Variants in KDM2B observed in about 807,000 individuals in gnomAD.
KDM2B encodes the protein lysine demethylase 2B, also known as lysine-specific demethylase 2B.
A neutral mutation model predicts 150.0 loss-of-function variants in KDM2B; 26 were observed. The observed-to-expected ratio is 0.17, with a 90% CI of 0.13 to 0.24. The LOEUF is 0.24. Ranked by LOEUF, KDM2B falls within the 10% of genes least tolerant of loss-of-function variation. The pLI is 1.00. For synonymous variants in KDM2B, 734 were observed against 729.5 expected (o/e 1.01, Z -0.10); for missense variants, 1,265 against 1,816.9 (o/e 0.70, Z 5.52).
At chr12:121,534,632 T>G in intron 6 of KDM2B, 42 bp from the exon 7 acceptor site, 1 of 1,470,670 alleles carries the variant, frequency 6.8e-7, no homozygotes, top group Non-Finnish European at 9.5e-7. Context: ...AGTCAAGATC[T>G]AAATCACAAG....
intron 12 of KDM2B, among the ~76,000 whole-genome samples, chr12:121,454,283 A>G (rs1231429038): frequency 6.6e-6 from 1 of 152,184 alleles, no homozygotes; most frequent in Non-Finnish European, 1.5e-5. Flanking sequence ...TCAACAAACC[A>G]GAGCCACCCC....
At position 121,520,920 on chromosome 12, in the gene KDM2B, A is replaced by T; in HGVS notation, c.1047+65T>A. 2 of 1,239,586 alleles carry T rather than the reference A, an allele frequency of 1.6e-6. No homozygotes were observed. The highest frequency in any genetic ancestry group is 2.4e-6 in the Non-Finnish European group (2 of 848,926). The allele number at this position is 1,239,586 out of a possible 1,614,324, so 76.8% of individuals were successfully genotyped here. A position where few individuals can be genotyped will look rare whatever the true frequency, so the allele number is the denominator to read the frequency against. ...AGGACTTCAGTATGACCTGTCCCAC[A>T]CACCGAGCACCGGCAGAGCTCAGGG... On this transcript the variant is annotated intron_variant, in intron 9 of 22. Coordinates refer to ENST00000377071, the MANE Select transcript of KDM2B (RefSeq NM_032590.5). This position sits in a 1 kb window ranked among gnomAD's most constrained non-coding sequence, Gnocchi z 4.5.
At chr12:121,492,486 T>G (rs1465425563) in intron 12 of KDM2B, among the ~76,000 whole-genome samples, 2 of 151,846 alleles carry the variant, frequency 1.3e-5, no homozygotes, top group African/African-American at 2.4e-5. Flanking sequence ...TTTTGTATTT[T>G]TAGTAGAGAC....
At position 121,468,478 on chromosome 12, in the gene KDM2B, CTAAA is replaced by C. The variant is rs1250077615; in HGVS notation, c.1735-15138_1735-15135del. The C allele has an allele frequency of 6.6e-6, 1 of 152,244 alleles. No individual in the cohort carries two copies. The highest frequency in any genetic ancestry group is 1.5e-5 in the Non-Finnish European group (1 of 68,046). 9.4% of individuals were successfully genotyped at this position (152,244 alleles called of 1,614,324 possible). Reference sequence around the variant, plus strand: ...TATCATCCACCTGTCCAAGGTAACACTAAATATGCACACCTGTACCTGTTCAGTT... The same window carrying C: ...TATCATCCACCTGTCCAAGGTAACACTATGCACACCTGTACCTGTTCAGTT... On this transcript the variant is annotated intron_variant, in intron 12 of 22. Transcript: ENST00000377071. The surrounding 1 kb of genome is among the most constrained non-coding windows in gnomAD (Gnocchi z 4.0).
In KDM2B at chr12:121,467,357, G is replaced by GCGCGCCT. The variant is rs1427942928; in HGVS notation, c.1735-14020_1735-14014dup. ...GCTGCCGCGAGGAGGGAGCCGCGCC[G>GCGCGCCT]CGCGCCTCGCACGCCCGCGCTGGAG... On this transcript the variant is annotated intron_variant, in intron 12 of 22. Coordinates refer to ENST00000377071, the MANE Select transcript of KDM2B (RefSeq NM_032590.5). The surrounding 1 kb of genome is among the most constrained non-coding windows in gnomAD (Gnocchi z 5.1). 10 of 981,250 alleles carry GCGCGCCT rather than the reference G, an allele frequency of 1.0e-5. No individual in the cohort carries two copies. Among genetic ancestry groups the GCGCGCCT allele is most frequent in the African/African-American group, 5.3e-5 (3 of 56,658 alleles). 60.8% of individuals were successfully genotyped at this position (981,250 alleles called of 1,614,324 possible).
At chr12:121,526,012 C>T (rs977413580) in intron 8 of KDM2B, among the ~76,000 whole-genome samples, 1 of 152,178 alleles carries the variant, frequency 6.6e-6, no homozygotes, top group Non-Finnish European at 1.5e-5. Context: ...TATGTCCCCT[C>T]CAAGGCCCCC....
intron 12 of KDM2B, among the ~76,000 whole-genome samples, chr12:121,493,213 GT>G (rs1566334472): frequency 6.6e-6 from 1 of 150,974 alleles, no homozygotes; most frequent in Non-Finnish European, 1.5e-5. Flanking sequence ...TGGCTTCAGT[GT>G]TTTTTACAAT....
At chr12:121,522,757 A>C (rs531689549) in intron 8 of KDM2B, among the ~76,000 whole-genome samples, 55 of 149,018 alleles carry the variant, frequency 3.7e-4, no homozygotes, top group African/African-American at 1.3e-3. Flanking sequence ...CGGAGGCATG[A>C]GAATTGCTTG....
At chr12:121,417,898 G>A in the KDM2B span, 1 of 1,613,848 alleles carries the variant, frequency 6.2e-7, no homozygotes, top group South Asian at 1.1e-5. This position sits in a 1 kb window ranked among gnomAD's most constrained non-coding sequence, Gnocchi z 5.0. Flanking sequence ...TCCAGATCTG[G>A]AGTGCCGGCA....
the KDM2B span, among the ~76,000 whole-genome samples, chr12:121,412,891 A>AT: frequency 6.8e-6 from 1 of 147,908 alleles, no homozygotes; most frequent in African/African-American, 2.5e-5. Context: ...CTATTTTTGT[A>AT]TTTTTAGTAG....
At chr12:121,528,537 G>C (rs1887351184) in intron 8 of KDM2B, among the ~76,000 whole-genome samples, 1 of 151,790 alleles carries the variant, frequency 6.6e-6, no homozygotes, top group Admixed American at 6.6e-5. Context: ...TCCAGCCTAG[G>C]CAACAGGGTG....
intron 12 of KDM2B, chr12:121,494,121 A>G (rs4980987): frequency 0.97 from 154,406 of 159,232 alleles, 74,916 homozygotes; most frequent in East Asian, 1. Flanking sequence ...ACTTCCCAAA[A>G]TGCTGAGATT....
At position 121,548,974 on chromosome 12, in the gene KDM2B, C is replaced by A; in HGVS notation, c.586G>T (p.Val196Leu). ...LVKRPTVVDL[V>L]DWVDNMWPQH... ...GGCCACATGTTGTCCACCCAGTCCA[C>A]CAGGTCTACCTGAAAGCCAGACCAG... The change falls in exon 6 of 23, where the codon GTG becomes TTG. Residue 196 changes from valine to leucine, a missense_variant. Around this residue, in one of 11 missense-constraint regions of KDM2B, gnomAD observed 214 missense variants for 447.4 expected, o/e 0.48. Coordinates refer to ENST00000377071, the MANE Select transcript of KDM2B (RefSeq NM_032590.5). 6.2e-7 allele frequency: 1 copy of A among 1,613,900 alleles called. No homozygotes were observed. Among genetic ancestry groups the A allele is most frequent in the South Asian group, 1.1e-5 (1 of 91,074 alleles).
chr12:121,568,152 G>A (rs1232409446), intron 4 of KDM2B, among the ~76,000 whole-genome samples: 1 of 152,132 alleles, frequency 6.6e-6, no homozygotes, highest in African/African-American at 2.4e-5. Flanking sequence ...AAGACCTGAT[G>A]AGACATTTCA....
the KDM2B span, chr12:121,423,834 G>C: frequency 4.9e-6 from 2 of 409,798 alleles, no homozygotes; most frequent in African/African-American, 4.1e-5. This position sits in a 1 kb window ranked among gnomAD's most constrained non-coding sequence, Gnocchi z 4.3. Flanking sequence ...ATTGAAGTCA[G>C]CCTGTTTGCG....
chr12:121,423,309 T>C, the KDM2B span: 1 of 1,221,268 alleles, frequency 8.2e-7, no homozygotes, highest in Non-Finnish European at 1.1e-6. The surrounding 1 kb of genome is among the most constrained non-coding windows in gnomAD (Gnocchi z 4.3). Context: ...AGGTGGCTGC[T>C]CAGCTTCGGA....
At chr12:121,558,036 A>G (rs1470790731) in intron 4 of KDM2B, among the ~76,000 whole-genome samples, 1 of 152,168 alleles carries the variant, frequency 6.6e-6, no homozygotes, top group African/African-American at 2.4e-5. Context: ...TGATGACCTC[A>G]TACCACTTCA....
chr12:121,470,695 G>A (rs1048677972), intron 12 of KDM2B: 4 of 150,036 alleles, frequency 2.7e-5, no homozygotes, highest in African/African-American at 9.7e-5. Context: ...GCTCTCAACT[G>A]CACCGCTCCA....
intron 10 of KDM2B, among the ~76,000 whole-genome samples, chr12:121,510,667 C>T (rs1405552157): frequency 2.0e-5 from 3 of 151,966 alleles, no homozygotes; most frequent in South Asian, 2.1e-4. Flanking sequence ...ATGATGTGCA[C>T]CTGTAGTCCC....
Sources: allele counts gnomAD v4.1 joint callset (sites outside exome capture counted in the v4.1 genomes callset), GRCh38; gene constraint gnomAD v4.1.1; regional missense constraint gnomAD v4.1.1; non-coding constraint Gnocchi (gnomAD v3.1); transcripts MANE v1.5; gene names NCBI Gene and HGNC (gene_info 2026-07-23, HGNC 2026-07-21).